The following WDR87 variants were observed in gnomAD, a reference collection of about 807,000 sequenced individuals.
The protein encoded by WDR87 is WD repeat-containing protein 87.
Under a neutral mutation model 83.3 loss-of-function variants are expected in WDR87, and 56 were observed. That is an observed-to-expected ratio of 0.67 (90% confidence interval 0.54 to 0.84). The LOEUF is 0.84. Among genes scored for constraint, WDR87 ranks in the 40% least tolerant of loss-of-function variants. WDR87 has a pLI of 0.00. For synonymous variants in WDR87, 1,173 were observed against 1,250.6 expected, an observed-to-expected ratio of 0.94 and a Z score of 1.31; for missense variants, 2,939 against 3,431.9, an observed-to-expected ratio of 0.86 and a Z score of 3.59.
At chr19:37,902,072 C>T (rs1322291036) in intron 1 of WDR87, among the ~76,000 whole-genome samples, 1 of 151,402 alleles carries the variant, frequency 6.6e-6, no homozygotes, top group Non-Finnish European at 1.5e-5. Context: ...CTCTTTCCCA[C>T]ACCATAGACC....
chr19:37,890,083 C>A lies in WDR87; in HGVS notation c.3588G>T (p.Glu1196Asp). 6.4e-7 allele frequency: 1 copy of A among 1,551,870 alleles called. No individual in the cohort carries two copies. Among genetic ancestry groups the A allele is most frequent in the East Asian group, 2.4e-5 (1 of 40,928 alleles). The change falls in exon 6 of 6, where the codon GAG becomes GAT. Residue 1196 changes from glutamate (E) to aspartate (D), a missense_variant. By Grantham distance (45) the Glu-to-Asp change is conservative. Transcript: ENST00000447313. Reference sequence around the variant, plus strand: ...CAATGTGATCCTTCGAGATATCTTTCTCTTGAGAATCAACATCTTTTGAGA... The same window carrying A: ...CAATGTGATCCTTCGAGATATCTTTATCTTGAGAATCAACATCTTTTGAGA... Reference protein sequence around the residue: ...IKLSKDVDSQEKDISKDHIAL... With the variant: ...IKLSKDVDSQDKDISKDHIAL...
rs542022568 is a variant in WDR87, at chr19:37,887,734, C to T, written c.5937G>A (p.Glu1979=). 4 of 1,552,284 alleles carry T rather than the reference C, an allele frequency of 2.6e-6. No individual in the cohort carries two copies. In the East Asian group the frequency reaches 9.8e-5, roughly 38 times the overall value. ...LAQEKMKLAL[E]KAMVQGKKRL... is the part of the protein sequence containing the mutation. ...GTTTCTTTCCTTGGACCATTGCCTT[C>T]TCCAGAGCTAATTTCATTTTTTCCT... The change falls in exon 6 of 6, where the codon GAG becomes GAA. Residue 1979 remains glutamate (E), a synonymous_variant. Coordinates refer to ENST00000447313, the MANE Select transcript of WDR87 (RefSeq NM_001291088.2).
In WDR87 at chr19:37,886,987, T is replaced by C; in HGVS notation, c.6684A>G (p.Val2228=). ...EEEGGIEEEE[V]IPFLKRRWRK... ...TCCACCTTCGTTTAAGGAATGGGAT[T>C]ACCTCTTCTTCTTCTATTCCTCCTT... is the stretch of plus-strand genomic sequence containing the variant. The change falls in exon 6 of 6, where the codon GTA becomes GTG. Residue 2228 remains valine, a synonymous_variant. Transcript: ENST00000447313. The C allele has an allele frequency of 6.4e-7, 1 of 1,552,188 alleles. No homozygotes were observed.
Position 37,885,357 on chromosome 19 carries a change from A to G in WDR87, c.8314T>C (p.Tyr2772His), listed in dbSNP as rs1321348360. Residue 2772 changes from tyrosine (Y) to histidine (H), a missense_variant, in exon 6 of 6, where the codon TAC (tyrosine) becomes CAC (histidine). Around this residue, in one of 3 missense-constraint regions of WDR87, gnomAD observed 2,160 missense variants for 2,533.1 expected, o/e 0.85. Transcript: ENST00000447313. ...TGCTGCAGCATCCGCAAAACATGGT[A>G]CAGTGCCACAAATGTCTCCCACAAA... ...LPLWETFVALYHVLRMLQQRY... is the reference protein window; with the variant it reads ...LPLWETFVALHHVLRMLQQRY... The G allele has an allele frequency of 6.4e-7, 1 of 1,551,792 alleles. No homozygotes were observed. The highest frequency in any genetic ancestry group is 1.2e-5 in the South Asian group (1 of 84,060).
At position 37,885,038 on chromosome 19, in the gene WDR87, A is replaced by G; in HGVS notation, c.8633T>C (p.Val2878Ala). 1 of 1,452,322 alleles carries G rather than the reference A, an allele frequency of 6.9e-7. No individual in the cohort carries two copies. The highest frequency in any genetic ancestry group is 9.1e-7 in the Non-Finnish European group (1 of 1,100,176). The allele number at this position is 1,452,322 out of a possible 1,614,324, so 90.0% of individuals were successfully genotyped here. ...WQNCVRTILP[V>A]GIARYGILEL... is the part of the protein sequence containing the mutation. ...TAAGATCCCATACCGGGCAATGCCC[A>G]CGGGAAGGATGGTGCGCACACAGTT... The change falls in exon 6 of 6, where the codon GTG becomes GCG. Residue 2878 changes from valine (V) to alanine (A), a missense_variant. Val to Ala is a moderately conservative substitution (Grantham distance 64, BLOSUM62 0). Around this residue, in one of 3 missense-constraint regions of WDR87, gnomAD observed 2,160 missense variants for 2,533.1 expected, o/e 0.85. Transcript: ENST00000447313.
At position 37,891,861 on chromosome 19, in the gene WDR87, G is replaced by A. The variant is rs1414806898; in HGVS notation, c.3126-41C>T. ...GAGAAGAAGGACTATGCTGAGTCAG[G>A]AACAAAAGGGAGAATGGGAAGCAAA... On this transcript the variant is annotated intron_variant, in intron 4 of 5. Transcript: ENST00000447313. 5.2e-6 allele frequency: 8 copies of A among 1,533,306 alleles called. No individual in the cohort carries two copies. The South Asian group carries it at 9.8e-5, about 19-fold the overall frequency. The allele number at this position is 1,533,306 out of a possible 1,614,324, so 95.0% of individuals were successfully genotyped here.
chr19:37,894,291 C>G lies in WDR87; in HGVS notation c.1412G>C (p.Arg471Pro). ...AGAGAATATCAGTCCCTCTAGACCC[C>G]GCCCCAAGTTGAAATGCCCATAAGC... is the stretch of plus-strand genomic sequence containing the variant. ...CLAYGHFNLG[R>P]GLEGLIFSGH... Residue 471 changes from arginine to proline, a missense_variant, in exon 4 of 6, where the codon CGG (arginine) becomes CCG (proline). Physicochemically the swap from Arg to Pro is moderately radical, Grantham distance 103 (BLOSUM62 -2). This residue lies in a region of WDR87 where 553 missense variants were observed against 577.9 expected (regional missense o/e 0.96). Coordinates refer to ENST00000447313, the MANE Select transcript of WDR87 (RefSeq NM_001291088.2). 6.4e-7 allele frequency: 1 copy of G among 1,551,744 alleles called. No homozygotes were observed. The highest frequency in any genetic ancestry group is 8.7e-7 in the Non-Finnish European group (1 of 1,147,016).
chr19:37,898,285 C>G lies in WDR87; in HGVS notation c.-46G>C, dbSNP rs771214962. The G allele has an allele frequency of 6.5e-7, 1 of 1,539,680 alleles. No individual in the cohort carries two copies. Among genetic ancestry groups the G allele is most frequent in the Non-Finnish European group, 8.8e-7 (1 of 1,142,798 alleles). Reference sequence around the variant, plus strand: ...CCTCCTGAGGACTGTTGCTTAAAAACCTGTGGGAATCCAAAAGAGCCCAGC... The same window carrying G: ...CCTCCTGAGGACTGTTGCTTAAAAAGCTGTGGGAATCCAAAAGAGCCCAGC... On this transcript the variant is annotated splice_region_variant and 5_prime_UTR_variant, in exon 2 of 6. Transcript: ENST00000447313.
intron 4 of WDR87, 142 bp from the exon 5 acceptor site, chr19:37,891,962 G>A: frequency 9.9e-7 from 1 of 1,013,334 alleles, no homozygotes; most frequent in Non-Finnish European, 1.4e-6. Flanking sequence ...AATAATGGCT[G>A]AGACAAAAGA....
Position 37,891,823 on chromosome 19 carries a change from A to G in WDR87, c.3126-3T>C, listed in dbSNP as rs1010678515. 14 of 1,550,934 alleles carry G rather than the reference A, an allele frequency of 9.0e-6. No homozygotes were observed. The highest frequency in any genetic ancestry group is 1.7e-4 in the Middle Eastern group (1 of 5,982). The stretch of plus-strand genomic sequence containing the variant: ...GTTCCTCCCCGATCATCTGCTGCCT[A>G]TGAAAGTCAAAGGAGAAGAAGGACT... On this transcript the variant is annotated splice_region_variant and splice_polypyrimidine_tract_variant and intron_variant, in intron 4 of 5. Coordinates refer to ENST00000447313, the MANE Select transcript of WDR87 (RefSeq NM_001291088.2).
chr19:37,885,979 T>C lies in WDR87; in HGVS notation c.7692A>G (p.Val2564=). The C allele has an allele frequency of 6.4e-7, 1 of 1,552,086 alleles. No homozygotes were observed. Among genetic ancestry groups the C allele is most frequent in the Non-Finnish European group, 8.7e-7 (1 of 1,147,066 alleles). The change falls in exon 6 of 6, where the codon GTA becomes GTG. Residue 2564 remains valine, a synonymous_variant. Transcript: ENST00000447313. ...EQHADVSLSD[V]EWIRHVLERM... ...GTTCTAGGACATGGCGGATCCACTC[T>C]ACATCTGAGAGGCTTACGTCTGCAT...
Position 37,892,715 on chromosome 19 carries a change from C to T in WDR87, c.2988G>A (p.Met996Ile), listed in dbSNP as rs1391479256. 6.4e-7 allele frequency: 1 copy of T among 1,551,700 alleles called. No homozygotes were observed. Among genetic ancestry groups the T allele is most frequent in the Admixed American group, 2.0e-5 (1 of 50,984 alleles). ...RLGMITHLFA[M>I]PLAQGLMDKD... ...TGTCCATTAATCCTTGAGCCAGAGG[C>T]ATGGCAAAAAGATGAGTAATCATTC... Residue 996 changes from methionine to isoleucine, a missense_variant, in exon 4 of 6, where the codon ATG becomes ATA. Around this residue, in one of 3 missense-constraint regions of WDR87, gnomAD observed 2,160 missense variants for 2,533.1 expected, o/e 0.85. Coordinates refer to ENST00000447313, the MANE Select transcript of WDR87 (RefSeq NM_001291088.2).
Position 37,894,233 on chromosome 19 carries a change from G to A in WDR87, c.1470C>T (p.Ser490=), listed in dbSNP as rs1013900739. The A allele has an allele frequency of 2.2e-5, 34 of 1,551,774 alleles. No homozygotes were observed. The highest frequency in any genetic ancestry group is 2.8e-5 in the Non-Finnish European group (32 of 1,147,042). ...GHQSGVIRVL[S]QHSCARLEKF... ...TTTCTAATCGAGCACAGCTGTGCTG[G>A]GAGAGCACTCTTATCACACCACTCT... The change falls in exon 4 of 6, where the codon TCC becomes TCT. Residue 490 remains serine (S), a synonymous_variant. Transcript: ENST00000447313.
Position 37,893,782 on chromosome 19 carries a change from CTA to C in WDR87, c.1919_1920del (p.Ile640ArgfsTer17). 1 of 1,551,626 alleles carries C rather than the reference CTA, an allele frequency of 6.4e-7. No individual in the cohort carries two copies. The highest frequency in any genetic ancestry group is 1.2e-5 in the South Asian group (1 of 84,054). The stretch of plus-strand genomic sequence containing the variant: ...AAGTGCAGTGATGAGTCCAGAATGC[CTA>C]TGAGTCTGCCATGGAAGTCCCAGAT... ...VRIWDFHGRL[I>X]GILDSSLHFG... On this transcript the variant is annotated frameshift_variant, in exon 4 of 6. Transcript: ENST00000447313. LOFTEE classifies it high-confidence loss of function.
Position 37,887,633 on chromosome 19 carries a change from T to A in WDR87, c.6038A>T (p.Lys2013Met). The A allele has an allele frequency of 6.4e-7, 1 of 1,552,164 alleles. No homozygotes were observed. The highest frequency in any genetic ancestry group is 1.2e-5 in the South Asian group (1 of 84,048). The change falls in exon 6 of 6, where the codon AAG becomes ATG. Residue 2013 changes from lysine (K) to methionine (M), a missense_variant. Physicochemically the swap from Lys to Met is moderately conservative, Grantham distance 95 (BLOSUM62 -1). Transcript: ENST00000447313. ...NLEMKRLAEE[K>M]MRLVEGKETL... ...TTCTTTTCCCTCAACCAGTCTCATC[T>A]TCTCCTCAGCCAGTCTTTTCATTTC...
intron 1 of WDR87, among the ~76,000 whole-genome samples, chr19:37,900,560 C>CAAAAAAAAAAAAAAAAAAAAAAAAAAA (rs58946958): frequency 2.0e-4 from 16 of 78,072 alleles, no homozygotes; most frequent in South Asian, 4.8e-4. Context: ...GACTCCGTCT[C>CAAAAAAAAAAAAAAAAAAAAAAAAAAA]AAAAAAAAAA....
Position 37,889,539 on chromosome 19 carries a change from G to T in WDR87, c.4132C>A (p.His1378Asn). The T allele has an allele frequency of 6.4e-7, 1 of 1,551,682 alleles. No homozygotes were observed. Among genetic ancestry groups the T allele is most frequent in the South Asian group, 1.2e-5 (1 of 84,058 alleles). ...IQGVTQEVIR[H>N]KEVMPREEEQ... ...TCTTCCCTTGGCATCACTTCCTTGT[G>T]TCTGATCACCTCTTGGGTCACACCT... Residue 1378 changes from histidine (H) to asparagine (N), a missense_variant, in exon 6 of 6, where the codon CAC becomes AAC. By Grantham distance (68) the His-to-Asn change is moderately conservative (BLOSUM62 1). Coordinates refer to ENST00000447313, the MANE Select transcript of WDR87 (RefSeq NM_001291088.2).
Position 37,894,958 on chromosome 19 carries a change from T to G in WDR87, c.745A>C (p.Thr249Pro). 3 of 1,551,384 alleles carry G rather than the reference T, an allele frequency of 1.9e-6. No individual in the cohort carries two copies. The highest frequency in any genetic ancestry group is 2.6e-6 in the Non-Finnish European group (3 of 1,146,934). Residue 249 changes from threonine to proline, a missense_variant, in exon 4 of 6, where the codon ACC becomes CCC. Coordinates refer to ENST00000447313, the MANE Select transcript of WDR87 (RefSeq NM_001291088.2). ...SSGSSITCCFTCFDQGFLYAG... is the reference protein window; with the variant it reads ...SSGSSITCCFPCFDQGFLYAG... ...TAGAGAAAGCCCTGATCAAAACAGG[T>G]GAAGCAGCAGGTGATGGAGGAGCCG... is the stretch of plus-strand genomic sequence containing the variant.
chr19:37,893,770 A>C lies in WDR87; in HGVS notation c.1933T>G (p.Ser645Ala), dbSNP rs202090579. The C allele has an allele frequency of 1.9e-4, 302 of 1,551,644 alleles. No individual in the cohort carries two copies. The African/African-American group carries it at 2.3e-3, about 12-fold the overall frequency. ...FHGRLIGILD[S>A]SLHFGPVCFA... Reference sequence around the variant, plus strand: ...CAGACTGGGCCAAAGTGCAGTGATGAGTCCAGAATGCCTATGAGTCTGCCA... The same window carrying C: ...CAGACTGGGCCAAAGTGCAGTGATGCGTCCAGAATGCCTATGAGTCTGCCA... Residue 645 changes from serine (S) to alanine (A), a missense_variant, in exon 4 of 6, where the codon TCA (serine) becomes GCA (alanine). By Grantham distance (99) the Ser-to-Ala change is moderately conservative (BLOSUM62 1). Around this residue, in one of 3 missense-constraint regions of WDR87, gnomAD observed 553 missense variants for 577.9 expected, o/e 0.96. Coordinates refer to ENST00000447313, the MANE Select transcript of WDR87 (RefSeq NM_001291088.2).
Sources: allele counts gnomAD v4.1 joint callset (sites outside exome capture counted in the v4.1 genomes callset), GRCh38; gene constraint gnomAD v4.1.1; regional missense constraint gnomAD v4.1.1; transcripts MANE v1.5; gene names NCBI Gene and HGNC (gene_info 2026-07-23, HGNC 2026-07-21).